The following C1orf159 variants were observed in gnomAD, a reference collection of about 807,000 sequenced individuals.
C1orf159 encodes chromosome 1 open reading frame 159, also known as uncharacterized protein C1orf159.
In C1orf159, 19 loss-of-function variants were observed where a neutral mutation model predicts 25.6. The ratio of observed to expected loss-of-function variants is 0.74; its 90% CI spans 0.52 to 1.09. The LOEUF (loss-of-function observed/expected upper bound fraction) is 1.09. C1orf159 is among the 50% of genes least tolerant of loss of function. The pLI, the probability that C1orf159 is intolerant of heterozygous loss-of-function variation, is 0.00. For missense variants in C1orf159, 274 were observed against 290.6 expected (o/e 0.94, Z 0.42); for synonymous variants, 139 against 124.7 (o/e 1.12, Z -0.77).
At chr1:1,084,408 T>A (rs1371784506) in intron 8 of C1orf159, 25 bp from the exon 9 acceptor site, 6 of 1,578,872 alleles carry the variant, frequency 3.8e-6, no homozygotes, top group Non-Finnish European at 4.3e-6. Context: ...AAAGGCAGAG[T>A]GAGGACTCGG....
rs560719001 is a variant in C1orf159, at chr1:1,086,759, AGAGT to A, written c.310+376_310+379del. Among the ~76,000 whole-genome samples, 14 of 152,038 alleles carry A rather than the reference AGAGT, an allele frequency of 9.2e-5. No homozygotes were observed. In the South Asian group the frequency reaches 1.5e-3, roughly 16 times the overall value. On this transcript the variant is annotated intron_variant, in intron 6 of 9. Coordinates refer to ENST00000421241, the MANE Select transcript of C1orf159 (RefSeq NM_017891.5). Reference sequence around the variant, plus strand: ...CAGTGTGGCCGTGAGCGTGAACCTGAGAGTGTGTGGTGTCAGCGTGAGCCGTGAG... The same window carrying A: ...CAGTGTGGCCGTGAGCGTGAACCTGAGTGTGGTGTCAGCGTGAGCCGTGAG...
chr1:1,085,335 G>A (rs45590938), intron 7 of C1orf159: 35 of 380,466 alleles, frequency 9.2e-5, no homozygotes, highest in Non-Finnish European at 1.4e-4. Flanking sequence ...CAGGCACCAC[G>A]GACCCTGCTC....
rs1459463841 is a variant in C1orf159 at position 1,088,254 on chromosome 1, C to G, written c.149-657G>C. Among the ~76,000 whole-genome samples the G allele has an allele frequency of 9.4e-5, 9 of 96,078 alleles. No homozygotes were observed. The South Asian group carries it at 3.9e-3, about 42-fold the overall frequency. The allele number at this position is 96,078 out of a possible 152,430, so 63.0% of individuals were successfully genotyped here. A position where few individuals can be genotyped will look rare whatever the true frequency, so the allele number is the denominator to read the frequency against. ...CCCGCATGCCTCCCCCAGGGTCCCCCACGCCTCCCCGGGACCTCCCCACGC... is the reference window on the plus strand; with the variant it reads ...CCCGCATGCCTCCCCCAGGGTCCCCGACGCCTCCCCGGGACCTCCCCACGC... On this transcript the variant is annotated intron_variant, in intron 4 of 9. Coordinates refer to ENST00000421241, the MANE Select transcript of C1orf159 (RefSeq NM_017891.5).
chr1:1,083,444 G>GAGAGAGAGGC (rs1557743828), intron 9 of C1orf159: 1 of 200,662 alleles, frequency 5.0e-6, no homozygotes, highest in East Asian at 1.5e-4. Flanking sequence ...GGGCCCACCT[G>GAGAGAGAGGC]AGAGAGAGGC....
chr1:1,091,927 TGAAA>T (rs1275488185), intron 2 of C1orf159, 60 bp downstream of exon 2: 2 of 442,772 alleles, frequency 4.5e-6, no homozygotes, highest in Admixed American at 5.1e-5. Context: ...GGAGGTGGGG[TGAAA>T]GAGTGAAGGC....
At chr1:1,085,671 C>T (rs1645817255) in intron 7 of C1orf159, among the ~76,000 whole-genome samples, 2 of 152,340 alleles carry the variant, frequency 1.3e-5, no homozygotes, top group Admixed American at 1.3e-4. Context: ...CTTGGTGCTT[C>T]GACCCTTCAA....
rs114586091 is a variant in C1orf159 at position 1,095,961 on chromosome 1, T to C, written c.-135-3858A>G. ...CCTTTCCTTCTTTATTCTAGTAATA[T>C]GGTGACGACAAAGATTCATTTATGA... On this transcript the variant is annotated intron_variant, in intron 1 of 9. Coordinates refer to ENST00000421241, the MANE Select transcript of C1orf159 (RefSeq NM_017891.5). Among the ~76,000 whole-genome samples, 1,023 of 152,326 alleles carry C rather than the reference T, an allele frequency of 6.7e-3. 10 individuals are homozygous for C. Among genetic ancestry groups the C allele is most frequent in the African/African-American group, 0.022 (922 of 41,572 alleles).
intron 1 of C1orf159, among the ~76,000 whole-genome samples, chr1:1,107,023 C>A (rs555146559): frequency 2.0e-5 from 3 of 152,226 alleles, no homozygotes; most frequent in African/African-American, 7.2e-5. Context: ...CGGCAGCCTG[C>A]CATGCCCGAG....
chr1:1,091,746 G>A, intron 2 of C1orf159, 181 bp from the exon 3 acceptor site: 1 of 553,568 alleles, frequency 1.8e-6, no homozygotes, highest in Admixed American at 2.7e-5. Flanking sequence ...GAAGTGGGCG[G>A]GGCTGTGGTG....
intron 7 of C1orf159, among the ~76,000 whole-genome samples, chr1:1,084,978 G>GGCT (rs1211408559): frequency 6.6e-6 from 1 of 152,162 alleles, no homozygotes; most frequent in African/African-American, 2.4e-5. Flanking sequence ...TGGCCAACCT[G>GGCT]GCTTCTCGTC....
In C1orf159 at chr1:1,089,180, T is replaced by TC. The variant is rs1319679896; in HGVS notation, c.148+1172dup. On this transcript the variant is annotated intron_variant, in intron 4 of 9. Coordinates refer to ENST00000421241, the MANE Select transcript of C1orf159 (RefSeq NM_017891.5). This position sits in a 1 kb window ranked among gnomAD's most constrained non-coding sequence, Gnocchi z 7.5. ...GCCCCTCCCCACGCGCGCCAGACGG[T>TC]CCCCACCCTGCGCCTGTGCATGGGG... is the stretch of plus-strand genomic sequence containing the variant. Among the ~76,000 whole-genome samples, 3 of 151,928 alleles carry TC rather than the reference T, an allele frequency of 2.0e-5. No homozygotes were observed. The highest frequency in any genetic ancestry group is 4.4e-5 in the Non-Finnish European group (3 of 67,950).
chr1:1,115,848 C>T (rs1264391959), intron 1 of C1orf159, among the ~76,000 whole-genome samples: 1 of 149,022 alleles, frequency 6.7e-6, no homozygotes, highest in Non-Finnish European at 1.5e-5. Context: ...CGGCCAGGCT[C>T]GTTGGGAGGC....
intron 1 of C1orf159, among the ~76,000 whole-genome samples, chr1:1,095,370 G>A (rs1008085404): frequency 6.6e-6 from 1 of 152,160 alleles, no homozygotes; most frequent in African/African-American, 2.4e-5. Flanking sequence ...AGTGTTTATA[G>A]TTTTCAGTGA....
At chr1:1,085,157 G>A (rs1645808817) in intron 7 of C1orf159, 2 of 314,074 alleles carry the variant, frequency 6.4e-6, no homozygotes, top group Non-Finnish European at 1.3e-5. Flanking sequence ...AGGTTGAGGG[G>A]GATGGACAGG....
At chr1:1,111,387 T>C (rs76083477) in intron 1 of C1orf159, among the ~76,000 whole-genome samples, 5 of 119,594 alleles carry the variant, frequency 4.2e-5, no homozygotes, top group African/African-American at 1.3e-4. Flanking sequence ...AAAAAAAAAA[T>C]AGCTGGGCTT....
rs116340860 is a variant in C1orf159, at chr1:1,089,335, A to C, written c.148+1018T>G. The stretch of plus-strand genomic sequence containing the variant: ...CCCTCACAGGAGACGCCACGGCCCC[A>C]GCACTCTTGCTGCCATGGGGTGCCA... On this transcript the variant is annotated intron_variant, in intron 4 of 9. Coordinates refer to ENST00000421241, the MANE Select transcript of C1orf159 (RefSeq NM_017891.5). This position sits in a 1 kb window ranked among gnomAD's most constrained non-coding sequence, Gnocchi z 7.5. Among the ~76,000 whole-genome samples the C allele has an allele frequency of 3.5e-3, 533 of 152,212 alleles. 5 individuals are homozygous for C. Among genetic ancestry groups the C allele is most frequent in the African/African-American group, 0.012 (512 of 41,522 alleles).
Position 1,090,502 on chromosome 1 carries a change from A to AG in C1orf159, c.73-75dup, listed in dbSNP as rs928684394. On this transcript the variant is annotated intron_variant, in intron 3 of 9. Coordinates refer to ENST00000421241, the MANE Select transcript of C1orf159 (RefSeq NM_017891.5). ...CTCACGCCCAGAGCAGCAGCGGCTG[A>AG]GGGGTGCCGTGGGAGCACATCTCAA... 3 of 1,457,578 alleles carry AG rather than the reference A, an allele frequency of 2.1e-6. No homozygotes were observed. The South Asian group carries it at 3.7e-5, about 18-fold the overall frequency. The allele number at this position is 1,457,578 out of a possible 1,614,324, so 90.3% of individuals were successfully genotyped here. A position where few individuals can be genotyped will look rare whatever the true frequency, so the allele number is the denominator to read the frequency against.
chr1:1,087,775 G>A lies in C1orf159; in HGVS notation c.149-178C>T, dbSNP rs1475190701. On this transcript the variant is annotated intron_variant, in intron 4 of 9. Coordinates refer to ENST00000421241, the MANE Select transcript of C1orf159 (RefSeq NM_017891.5). This position sits in a 1 kb window ranked among gnomAD's most constrained non-coding sequence, Gnocchi z 8.3. The stretch of plus-strand genomic sequence containing the variant: ...CCCAGGGAGCATGGCGGGGCCGTGA[G>A]CACCCCACGCTGAGTACTCCACACT... 4.5e-5 allele frequency: 27 copies of A among 605,392 alleles called. No homozygotes were observed. In the East Asian group the frequency reaches 7.2e-4, roughly 16 times the overall value. 37.5% of individuals were successfully genotyped at this position (605,392 alleles called of 1,614,324 possible).
chr1:1,115,437 G>C (rs996028572), intron 1 of C1orf159, among the ~76,000 whole-genome samples: 3 of 151,980 alleles, frequency 2.0e-5, no homozygotes, highest in Admixed American at 1.3e-4. Context: ...TGCCGGGAAG[G>C]CGAGGCGAAC....
Sources: gnomAD v4.1 joint callset for allele counts (sites outside exome capture counted in the v4.1 genomes callset) on GRCh38, gnomAD v4.1.1 for gene constraint, Gnocchi (gnomAD v3.1) non-coding constraint, MANE v1.5 for transcripts, NCBI Gene and HGNC (gene_info 2026-07-23, HGNC 2026-07-21) for gene names.